TCF21: variants seen among roughly 807,000 people sequenced by gnomAD.
TCF21 encodes transcription factor 21.
In TCF21, 3 loss-of-function variants were observed where a neutral mutation model predicts 13.5. The observed-to-expected ratio is 0.22, with a 90% confidence interval of 0.10 to 0.57. The LOEUF is 0.57. Ranked by LOEUF, TCF21 falls within the 20% of genes least tolerant of loss-of-function variation. The pLI is 0.92. For synonymous variants in TCF21, 92 were observed against 101.7 expected, an observed-to-expected ratio of 0.90 and a Z score of 0.57; for missense variants, 181 against 238.4, an observed-to-expected ratio of 0.76 and a Z score of 1.59.
Position 133,889,222 on chromosome 6 carries a change from G to A in TCF21, c.-176G>A, listed in dbSNP as rs533391163. Reference sequence around the variant, plus strand: ...GTTCCTTCTCACAACTCTGCGAAGGGGAAAGGGTTGTGAGACCCAACCAGA... The same window carrying A: ...GTTCCTTCTCACAACTCTGCGAAGGAGAAAGGGTTGTGAGACCCAACCAGA... On this transcript the variant is annotated 5_prime_UTR_variant, in exon 1 of 2. Coordinates refer to ENST00000367882, the MANE Select transcript of TCF21 (RefSeq NM_003206.4). This position sits in a 1 kb window ranked among gnomAD's most constrained non-coding sequence, Gnocchi z 5.1. 1,012 of 734,230 alleles carry A rather than the reference G, an allele frequency of 1.4e-3. 12 individuals carry two copies. The Middle Eastern group carries it at 0.014, about 10-fold the overall frequency. 45.5% of individuals were successfully genotyped at this position (734,230 alleles called of 1,614,324 possible).
chr6:133,893,652 C>G (rs988828631), downstream of TCF21: 1 of 152,258 alleles, frequency 6.6e-6, no homozygotes, highest in African/African-American at 2.4e-5. Context: ...CAATCTCCCA[C>G]TCACGTTTTT....
chr6:133,892,632 C>T (rs146837864), downstream of TCF21: 3 of 152,304 alleles, frequency 2.0e-5, no homozygotes, highest in East Asian at 5.8e-4. Flanking sequence ...TTGTCACCTT[C>T]CAGGTGTGAG....
rs369916071 is a variant in TCF21 at position 133,891,841 on chromosome 6, G to A, written c.*39G>A. The A allele has an allele frequency of 1.1e-4, 179 of 1,609,668 alleles. No individual in the cohort carries two copies. Among genetic ancestry groups the A allele is most frequent in the Non-Finnish European group, 1.3e-4 (158 of 1,177,274 alleles). Reference sequence around the variant, plus strand: ...AGTCTGGGAAAGGCGCGCTCCCGGGGGGAGCGGGCCCCGGGAAGGCGACCC... The same window carrying A: ...AGTCTGGGAAAGGCGCGCTCCCGGGAGGAGCGGGCCCCGGGAAGGCGACCC... On this transcript the variant is annotated 3_prime_UTR_variant, in exon 2 of 2. Coordinates refer to ENST00000367882, the MANE Select transcript of TCF21 (RefSeq NM_003206.4).
chr6:133,889,300 T>G lies in TCF21; in HGVS notation c.-98T>G. On this transcript the variant is annotated 5_prime_UTR_variant, in exon 1 of 2. Transcript: ENST00000367882. The surrounding 1 kb of genome is among the most constrained non-coding windows in gnomAD (Gnocchi z 5.1). ...GGCTGCGCCACACTCGGGAGGCCTCTTGGTTTCAGGGTCTCTCTGTCTCTC... is the reference window on the plus strand; with the variant it reads ...GGCTGCGCCACACTCGGGAGGCCTCGTGGTTTCAGGGTCTCTCTGTCTCTC... 2 of 1,519,764 alleles carry G rather than the reference T, an allele frequency of 1.3e-6. No individual in the cohort carries two copies. Among genetic ancestry groups the G allele is most frequent in the South Asian group, 2.2e-5 (2 of 89,076 alleles). The allele number at this position is 1,519,764 out of a possible 1,614,324, so 94.1% of individuals were successfully genotyped here. A position where few individuals can be genotyped will look rare whatever the true frequency, so the allele number is the denominator to read the frequency against.
At chr6:133,894,204 TA>T, downstream of TCF21, 1 of 152,178 alleles carries the variant, frequency 6.6e-6, no homozygotes, top group East Asian at 1.9e-4. Context: ...TTCCACGAAC[TA>T]AAATACCTCT....
chr6:133,891,581 T>A (rs2114563889), intron 1 of TCF21, 132 bp from the exon 2 acceptor site: 1 of 970,104 alleles, frequency 1.0e-6, no homozygotes, highest in East Asian at 2.6e-5. Context: ...CGGGAGTAAA[T>A]TGCAGAGATA....
intron 1 of TCF21, among the ~76,000 whole-genome samples, chr6:133,890,636 T>A (rs1348079148): frequency 6.6e-6 from 1 of 152,250 alleles, no homozygotes; most frequent in Non-Finnish European, 1.5e-5. Flanking sequence ...TTTTACTGTT[T>A]AAGAAATATA....
chr6:133,891,811 G>GTGCGAGTC lies in TCF21; in HGVS notation c.*12_*19dup. On this transcript the variant is annotated 3_prime_UTR_variant, in exon 2 of 2. Coordinates refer to ENST00000367882, the MANE Select transcript of TCF21 (RefSeq NM_003206.4). ...GAACCACCGCGTCCTGACCTTGGAG[G>GTGCGAGTC]TGCGAGTCTGGGAAAGGCGCGCTCC... 6.2e-7 allele frequency: 1 copy of GTGCGAGTC among 1,613,674 alleles called. No individual in the cohort carries two copies. Among genetic ancestry groups the GTGCGAGTC allele is most frequent in the Non-Finnish European group, 8.5e-7 (1 of 1,179,662 alleles).
In TCF21 at chr6:133,889,987, CCTCCAGGGACCGGAGGCGGGCGGT is replaced by C. The variant is rs1775182860; in HGVS notation, c.450+143_450+166del. ...CATCTCGACCACCGCGGGCCTAGAG[CCTCCAGGGACCGGAGGCGGGCGGT>C]CTAGACACGGCCCTCGCTCTCTGCC... is the stretch of plus-strand genomic sequence containing the variant. On this transcript the variant is annotated intron_variant, in intron 1 of 1. Coordinates refer to ENST00000367882, the MANE Select transcript of TCF21 (RefSeq NM_003206.4). This position sits in a 1 kb window ranked among gnomAD's most constrained non-coding sequence, Gnocchi z 5.1. 8 of 915,006 alleles carry C rather than the reference CCTCCAGGGACCGGAGGCGGGCGGT, an allele frequency of 8.7e-6. No homozygotes were observed. The highest frequency in any genetic ancestry group is 1.4e-5 in the Non-Finnish European group (8 of 583,266). 56.7% of individuals were successfully genotyped at this position (915,006 alleles called of 1,614,324 possible).
At chr6:133,895,278 C>T (rs938296736), downstream of TCF21, 5 of 152,072 alleles carry the variant, frequency 3.3e-5, no homozygotes, top group Admixed American at 6.6e-5. Context: ...GAAGTGGGGC[C>T]CCAGGTGATG....
intron 1 of TCF21, 158 bp from the exon 2 acceptor site, chr6:133,891,555 C>T: frequency 2.5e-6 from 2 of 786,734 alleles, no homozygotes; most frequent in South Asian, 3.1e-5. Context: ...TATGCAGCCG[C>T]AGGGTGCGCT....
downstream of TCF21, chr6:133,895,391 G>A (rs1775285906): frequency 6.6e-6 from 1 of 152,184 alleles, no homozygotes. Flanking sequence ...TTTCAGAGGA[G>A]AATTTTTTCT....
At position 133,891,897 on chromosome 6, in the gene TCF21, C is replaced by T; in HGVS notation, c.*95C>T. 7.8e-7 allele frequency: 1 copy of T among 1,281,092 alleles called. No homozygotes were observed. The highest frequency in any genetic ancestry group is 1.1e-6 in the Non-Finnish European group (1 of 907,338). 79.4% of individuals were successfully genotyped at this position (1,281,092 alleles called of 1,614,324 possible). On this transcript the variant is annotated 3_prime_UTR_variant, in exon 2 of 2. Coordinates refer to ENST00000367882, the MANE Select transcript of TCF21 (RefSeq NM_003206.4). Reference sequence around the variant, plus strand: ...CTCAGTGCTCTCTGTCTCTGCTTCCCCCTCGCAATGCTCCTCTCTCTGTCC... The same window carrying T: ...CTCAGTGCTCTCTGTCTCTGCTTCCTCCTCGCAATGCTCCTCTCTCTGTCC...
Position 133,891,920 on chromosome 6 carries a change from T to A in TCF21, c.*118T>A. On this transcript the variant is annotated 3_prime_UTR_variant, in exon 2 of 2. Coordinates refer to ENST00000367882, the MANE Select transcript of TCF21 (RefSeq NM_003206.4). ...CCCCCTCGCAATGCTCCTCTCTCTG[T>A]CCCACCCCGCGAGAACACTTTACAA... 1 of 1,026,402 alleles carries A rather than the reference T, an allele frequency of 9.7e-7. No homozygotes were observed. Among genetic ancestry groups the A allele is most frequent in the South Asian group, 1.5e-5 (1 of 68,602 alleles). 63.6% of individuals were successfully genotyped at this position (1,026,402 alleles called of 1,614,324 possible). A position where few individuals can be genotyped will look rare whatever the true frequency, so the allele number is the denominator to read the frequency against.
downstream of TCF21, chr6:133,893,051 A>G (rs1408799357): frequency 6.6e-6 from 1 of 152,252 alleles, no homozygotes; most frequent in African/African-American, 2.4e-5. Context: ...AGTGTTTACA[A>G]GACGTCTTCG....
At position 133,889,388 on chromosome 6, in the gene TCF21, TC is replaced by T; in HGVS notation, c.-5del. ...CTCTCTCTCTCTCTCCCTCGTCCAC[TC>T]CCCCAAACATGTCCACCGGCTCCCT... On this transcript the variant is annotated 5_prime_UTR_variant, in exon 1 of 2. Coordinates refer to ENST00000367882, the MANE Select transcript of TCF21 (RefSeq NM_003206.4). The surrounding 1 kb of genome is among the most constrained non-coding windows in gnomAD (Gnocchi z 5.1). 6.2e-7 allele frequency: 1 copy of T among 1,612,440 alleles called. No homozygotes were observed. The highest frequency in any genetic ancestry group is 1.3e-5 in the African/African-American group (1 of 74,722).
chr6:133,895,363 G>A (rs1191333873), downstream of TCF21: 3 of 152,180 alleles, frequency 2.0e-5, no homozygotes, highest in Non-Finnish European at 2.9e-5. Context: ...ACTACTTAAT[G>A]CAGTGGGAAA....
rs78733835 is a variant in TCF21, at chr6:133,889,838, G to T, written c.441G>T (p.Pro147=). 3,368 of 1,612,738 alleles carry T rather than the reference G, an allele frequency of 2.1e-3. 7 individuals carry two copies. Among genetic ancestry groups the T allele is most frequent in the Non-Finnish European group, 2.4e-3 (2,889 of 1,179,792 alleles). The part of the protein sequence containing the change: ...NDKYENGYIH[P]VNLTWPFMVA... ...AATACGAGAACGGGTACATTCACCC[G>T]GTCAACCTGGTGAGTGCTCCCGGGG... The change falls in exon 1 of 2, where the codon CCG becomes CCT. Residue 147 remains proline, a synonymous_variant. Transcript: ENST00000367882. This position sits in a 1 kb window ranked among gnomAD's most constrained non-coding sequence, Gnocchi z 5.1.
intron 1 of TCF21, 76 bp from the exon 2 acceptor site, chr6:133,891,637 T>G: frequency 7.7e-7 from 1 of 1,291,768 alleles, no homozygotes; most frequent in Non-Finnish European, 1.1e-6. Flanking sequence ...CCCCCTTCCT[T>G]TCATCTCAGG....
Sources: gnomAD v4.1 joint callset for allele counts (sites outside exome capture counted in the v4.1 genomes callset) on GRCh38, gnomAD v4.1.1 for gene constraint, Gnocchi (gnomAD v3.1) non-coding constraint, MANE v1.5 for transcripts, NCBI Gene and HGNC (gene_info 2026-07-23, HGNC 2026-07-21) for gene names.